Variants in TLN2 observed in about 807,000 individuals in gnomAD.
TLN2 encodes the protein talin-2.
Under a neutral mutation model 294.7 loss-of-function variants are expected in TLN2, and 118 were observed. The observed-to-expected ratio is 0.40, with a 90% CI of 0.34 to 0.47. The LOEUF (loss-of-function observed/expected upper bound fraction) is 0.47. Ranked by LOEUF, TLN2 falls within the 20% of genes least tolerant of loss-of-function variation. TLN2 has a pLI of 0.84. For synonymous variants in TLN2, 1,431 were observed against 1,304.5 expected (o/e 1.10, Z -2.09); for missense variants, 3,083 against 3,282.2 (o/e 0.94, Z 1.48).
At chr15:62,611,703 G>C (rs1308519316) in intron 2 of TLN2, among the ~76,000 whole-genome samples, 1 of 152,150 alleles carries the variant, frequency 6.6e-6, no homozygotes, top group Non-Finnish European at 1.5e-5. Flanking sequence ...CAAGCCTTCG[G>C]AGAGATTTTA....
chr15:62,467,415 G>A (rs771374623), intron 1 of TLN2, among the ~76,000 whole-genome samples: 3 of 152,174 alleles, frequency 2.0e-5, no homozygotes, highest in African/African-American at 4.8e-5. Context: ...TTTTAAGGCC[G>A]GCTGTGGTGG....
intron 15 of TLN2, 137 bp downstream of exon 15, chr15:62,698,005 A>T: frequency 8.8e-7 from 1 of 1,137,688 alleles, no homozygotes; most frequent in East Asian, 2.7e-5. Context: ...TCAGCTGTGC[A>T]TTTTTTAAAT....
intron 1 of TLN2, among the ~76,000 whole-genome samples, chr15:62,502,059 G>A (rs1274415383): frequency 6.6e-6 from 1 of 152,180 alleles, no homozygotes; most frequent in Non-Finnish European, 1.5e-5. Flanking sequence ...CCTTATAGGA[G>A]AACTAGTCAC....
chr15:62,435,836 C>T (rs1254423095), intron 1 of TLN2, among the ~76,000 whole-genome samples: 6 of 152,328 alleles, frequency 3.9e-5, no homozygotes, highest in African/African-American at 1.4e-4. Context: ...GCCACCATGC[C>T]AGGCCTTGCT....
At chr15:62,589,206 G>C (rs1043448410) in intron 1 of TLN2, among the ~76,000 whole-genome samples, 1 of 152,122 alleles carries the variant, frequency 6.6e-6, no homozygotes, top group Non-Finnish European at 1.5e-5. Context: ...CAAGTTCCCA[G>C]TGCCTTAGAG....
intron 1 of TLN2, among the ~76,000 whole-genome samples, chr15:62,562,906 T>TCACACACACACACACA (rs61578830): frequency 1.5e-4 from 15 of 99,316 alleles, no homozygotes; most frequent in Admixed American, 2.1e-4. Context: ...TAGTATTCCA[T>TCACACACACACACACA]CACACACACA....
chr15:62,439,613 C>T (rs1171146268), intron 1 of TLN2, among the ~76,000 whole-genome samples: 1 of 152,122 alleles, frequency 6.6e-6, no homozygotes, highest in East Asian at 1.9e-4. Flanking sequence ...GTGCGCCTAT[C>T]TTAGCCAGTT....
chr15:62,525,635 G>A (rs148641741), intron 1 of TLN2, among the ~76,000 whole-genome samples: 582 of 152,256 alleles, frequency 3.8e-3, no homozygotes, highest in Non-Finnish European at 5.3e-3. Context: ...TGTCAATGTT[G>A]GTTTCCTCCA....
In TLN2 at chr15:62,694,230, G is replaced by T. The variant is rs1351495528; in HGVS notation, c.1216-86G>T. On this transcript the variant is annotated intron_variant, in intron 13 of 58. Coordinates refer to ENST00000636159, the MANE Select transcript of TLN2 (RefSeq NM_015059.3). ...GACCTCAAGTGATCCGCCCGTCTCA[G>T]CCTCCCAAAGTGCTGGGATTAGAGG... is the stretch of plus-strand genomic sequence containing the variant. The T allele has an allele frequency of 9.8e-6, 12 of 1,221,384 alleles. No homozygotes were observed. The South Asian group carries it at 1.5e-4, about 15-fold the overall frequency. The allele number at this position is 1,221,384 out of a possible 1,614,324, so 75.7% of individuals were successfully genotyped here.
chr15:62,819,672 T>TGGG, intron 53 of TLN2, 51 bp downstream of exon 53: 1 of 1,519,184 alleles, frequency 6.6e-7, no homozygotes, highest in Non-Finnish European at 9.0e-7. Context: ...CAGGCAGTGC[T>TGGG]AATACAGCAG....
chr15:62,686,690 C>T lies in TLN2; in HGVS notation c.1007C>T (p.Thr336Ile), dbSNP rs746971452. Residue 336 changes from threonine to isoleucine, a missense_variant, in exon 12 of 59, where the codon ACC (threonine) becomes ATC (isoleucine). By Grantham distance (89) the Thr-to-Ile change is moderately conservative. Coordinates refer to ENST00000636159, the MANE Select transcript of TLN2 (RefSeq NM_015059.3). ...CTGGTGCCTCGCCTGCTGGGGATCA[C>T]CAAAGACTCGGTGATGCGCGTGGAT... is the stretch of plus-strand genomic sequence containing the variant. ...NKLVPRLLGI[T>I]KDSVMRVDEK... The T allele has an allele frequency of 1.2e-6, 2 of 1,613,990 alleles. No individual in the cohort carries two copies. Among genetic ancestry groups the T allele is most frequent in the South Asian group, 1.1e-5 (1 of 91,054 alleles).
intron 32 of TLN2, among the ~76,000 whole-genome samples, chr15:62,744,560 A>G: frequency 6.6e-6 from 1 of 151,470 alleles, no homozygotes; most frequent in Admixed American, 6.6e-5. Flanking sequence ...ATTTATTTTT[A>G]TTTTGAGATG....
chr15:62,466,040 A>G (rs754903203), intron 1 of TLN2, among the ~76,000 whole-genome samples: 4 of 152,172 alleles, frequency 2.6e-5, no homozygotes, highest in Non-Finnish European at 5.9e-5. Flanking sequence ...TCCCTTTTCC[A>G]GAGGAAATAT....
intron 1 of TLN2, among the ~76,000 whole-genome samples, chr15:62,454,530 G>T (rs961381641): frequency 1.3e-5 from 2 of 152,110 alleles, no homozygotes; most frequent in African/African-American, 2.4e-5. Context: ...GGGATTATTT[G>T]TAGGTCTGGT....
intron 2 of TLN2, among the ~76,000 whole-genome samples, chr15:62,600,897 A>G (rs2046942570): frequency 6.6e-6 from 1 of 152,192 alleles, no homozygotes; most frequent in Non-Finnish European, 1.5e-5. Context: ...AAAAATGTAA[A>G]CGTTATTAAT....
intron 24 of TLN2, among the ~76,000 whole-genome samples, chr15:62,719,042 T>C (rs181546101): frequency 1.3e-5 from 2 of 152,294 alleles, no homozygotes. Context: ...TGGGCACCTT[T>C]ATCCACAACG....
chr15:62,396,781 T>C (rs2032584671), intron 1 of TLN2, among the ~76,000 whole-genome samples: 1 of 152,140 alleles, frequency 6.6e-6, no homozygotes, highest in Non-Finnish European at 1.5e-5. Flanking sequence ...CTTGGCTCAC[T>C]GCAACCTCCA....
chr15:62,398,152 T>C (rs1231091555), intron 1 of TLN2, among the ~76,000 whole-genome samples: 3 of 152,174 alleles, frequency 2.0e-5, no homozygotes, highest in Admixed American at 6.5e-5. Flanking sequence ...TGGGAAGTTA[T>C]TGAACCATGG....
chr15:62,747,544 T>C (rs778446249), intron 32 of TLN2, among the ~76,000 whole-genome samples: 7 of 152,198 alleles, frequency 4.6e-5, no homozygotes, highest in South Asian at 2.1e-4. Flanking sequence ...CATGGGGTTA[T>C]CTTGTTCCAT....
Sources: allele counts gnomAD v4.1 joint callset (sites outside exome capture counted in the v4.1 genomes callset), GRCh38; gene constraint gnomAD v4.1.1; transcripts MANE v1.5; gene names NCBI Gene and HGNC (gene_info 2026-07-23, HGNC 2026-07-21).